SEC22C: variants seen among roughly 807,000 people sequenced by gnomAD.
SEC22C encodes the protein vesicle-trafficking protein SEC22c.
In SEC22C, 29 loss-of-function variants were observed where a neutral mutation model predicts 34.7. The ratio of observed to expected loss-of-function variants is 0.84; its 90% confidence interval spans 0.62 to 1.14. The LOEUF is 1.14. Ranked by LOEUF, SEC22C falls within the 50% of genes most tolerant of loss-of-function variation. SEC22C has a pLI of 0.00. For synonymous variants in SEC22C, 117 were observed against 132.8 expected, an observed-to-expected ratio of 0.88 and a Z score of 0.82; for missense variants, 337 against 369.0, an observed-to-expected ratio of 0.91 and a Z score of 0.71.
rs926236596 is a variant in SEC22C at position 42,550,793 on chromosome 3, G to A, written c.*2455C>T. 12 of 984,792 alleles carry A rather than the reference G, an allele frequency of 1.2e-5. No homozygotes were observed. The highest frequency in any genetic ancestry group is 1.4e-5 in the Non-Finnish European group (12 of 829,838). 61.0% of individuals were successfully genotyped at this position (984,792 alleles called of 1,614,324 possible). On this transcript the variant is annotated 3_prime_UTR_variant, in exon 7 of 7. Coordinates refer to ENST00000264454, the MANE Select transcript of SEC22C (RefSeq NM_032970.4). ...ATAGGCTCAGATGCCCAAAGCACCT[G>A]GGGTACAGGTCTACATGGCAACCCA...
Position 42,550,600 on chromosome 3 carries a change from C to A in SEC22C, c.*2648G>T, listed in dbSNP as rs1400190800. 1 of 985,154 alleles carries A rather than the reference C, an allele frequency of 1.0e-6. No individual in the cohort carries two copies. The highest frequency in any genetic ancestry group is 1.7e-5 in the African/African-American group (1 of 57,180). 61.0% of individuals were successfully genotyped at this position (985,154 alleles called of 1,614,324 possible). A position where few individuals can be genotyped will look rare whatever the true frequency, so the allele number is the denominator to read the frequency against. ...GTACTGTTTTTCTAGTGCATCTTTT[C>A]CCTTTTGTTTGCAAAAGTCAATCTC... On this transcript the variant is annotated 3_prime_UTR_variant, in exon 7 of 7. Coordinates refer to ENST00000264454, the MANE Select transcript of SEC22C (RefSeq NM_032970.4).
intron 1 of SEC22C, among the ~76,000 whole-genome samples, chr3:42,595,567 T>G (rs1435748264): frequency 1.3e-5 from 2 of 152,214 alleles, no homozygotes; most frequent in Non-Finnish European, 2.9e-5. Flanking sequence ...CCACCCAGCT[T>G]TGATGTGGTA....
chr3:42,583,549 G>A (rs116070148), upstream of SEC22C, among the ~76,000 whole-genome samples: 455 of 152,278 alleles, frequency 3.0e-3, 3 homozygotes, highest in African/African-American at 0.011. Flanking sequence ...ACTTGGTTAG[G>A]ATTTTGCGAT....
Position 42,549,806 on chromosome 3 carries a change from C to T in SEC22C, c.*3442G>A. ...CTAGAAAAGAACAGAGGAGCTCAAG[C>T]TCATTTAATCAAAATGCTTAAATGT... On this transcript the variant is annotated 3_prime_UTR_variant, in exon 7 of 7. Coordinates refer to ENST00000264454, the MANE Select transcript of SEC22C (RefSeq NM_032970.4). 1.0e-6 allele frequency: 1 copy of T among 985,492 alleles called. No homozygotes were observed. Among genetic ancestry groups the T allele is most frequent in the Non-Finnish European group, 1.2e-6 (1 of 829,968 alleles). The allele number at this position is 985,492 out of a possible 1,614,324, so 61.0% of individuals were successfully genotyped here.
At position 42,550,776 on chromosome 3, in the gene SEC22C, A is replaced by C; in HGVS notation, c.*2472T>G. The C allele has an allele frequency of 1.0e-6, 1 of 985,248 alleles. No homozygotes were observed. Among genetic ancestry groups the C allele is most frequent in the Non-Finnish European group, 1.2e-6 (1 of 829,898 alleles). The allele number at this position is 985,248 out of a possible 1,614,324, so 61.0% of individuals were successfully genotyped here. On this transcript the variant is annotated 3_prime_UTR_variant, in exon 7 of 7. Transcript: ENST00000264454. ...CCTGCTGAATATGGATCATAGGCTC[A>C]GATGCCCAAAGCACCTGGGGTACAG...
intron 5 of SEC22C, 62 bp from the exon 6 acceptor site, chr3:42,556,057 T>C: frequency 7.7e-7 from 1 of 1,301,518 alleles, no homozygotes; most frequent in Non-Finnish European, 1.1e-6. Flanking sequence ...CACTGTGACA[T>C]AAAGCACTTT....
In SEC22C at chr3:42,581,919, C is replaced by G. The variant is rs1051653067; in HGVS notation, c.-101G>C. The G allele has an allele frequency of 6.6e-6, 1 of 152,252 alleles. No individual in the cohort carries two copies. The highest frequency in any genetic ancestry group is 1.5e-5 in the Non-Finnish European group (1 of 68,096). 9.4% of individuals were successfully genotyped at this position (152,252 alleles called of 1,614,324 possible). A position where few individuals can be genotyped will look rare whatever the true frequency, so the allele number is the denominator to read the frequency against. ...CGCCTCCTCAGCAATCTTAGCCGAC[C>G]GGGAGGGCTCGGCCCAGGTCACCGG... On this transcript the variant is annotated 5_prime_UTR_variant, in exon 1 of 7. Transcript: ENST00000264454.
At chr3:42,600,249 A>C (rs1311141228) in intron 1 of SEC22C, among the ~76,000 whole-genome samples, 1 of 152,192 alleles carries the variant, frequency 6.6e-6, no homozygotes, top group Admixed American at 6.5e-5. Flanking sequence ...AAGACCTAAC[A>C]GTAGGACACG....
chr3:42,590,931 G>A, intron 1 of SEC22C: 5 of 1,590,178 alleles, frequency 3.1e-6, no homozygotes, highest in Non-Finnish European at 4.3e-6. Flanking sequence ...CTGGCTGAGG[G>A]GCAAGGCGGA....
intron 4 of SEC22C, among the ~76,000 whole-genome samples, chr3:42,557,965 T>C (rs1306901942): frequency 6.6e-6 from 1 of 152,218 alleles, no homozygotes; most frequent in African/African-American, 2.4e-5. Context: ...CTTAATTTCC[T>C]TTCTATCTAA....
Position 42,552,312 on chromosome 3 carries a change from T to A in SEC22C, c.*936A>T, listed in dbSNP as rs1702293729. 1.0e-6 allele frequency: 1 copy of A among 985,222 alleles called. No individual in the cohort carries two copies. The highest frequency in any genetic ancestry group is 1.7e-5 in the African/African-American group (1 of 57,202). 61.0% of individuals were successfully genotyped at this position (985,222 alleles called of 1,614,324 possible). A position where few individuals can be genotyped will look rare whatever the true frequency, so the allele number is the denominator to read the frequency against. ...GGAACAGGTACACAGGGTACAGTAGTCATCATCATTAAAACAACAGGCACT... is the reference window on the plus strand; with the variant it reads ...GGAACAGGTACACAGGGTACAGTAGACATCATCATTAAAACAACAGGCACT... On this transcript the variant is annotated 3_prime_UTR_variant, in exon 7 of 7. Coordinates refer to ENST00000264454, the MANE Select transcript of SEC22C (RefSeq NM_032970.4).
chr3:42,555,297 A>AGATTG (rs1702465563), intron 6 of SEC22C, among the ~76,000 whole-genome samples: 2 of 151,936 alleles, frequency 1.3e-5, no homozygotes, highest in Non-Finnish European at 2.9e-5. Flanking sequence ...CAGTGAGCCA[A>AGATTG]GATTGTGCCA....
At chr3:42,580,873 GAGA>G (rs1379077689) in intron 1 of SEC22C, among the ~76,000 whole-genome samples, 1 of 152,230 alleles carries the variant, frequency 6.6e-6, no homozygotes, top group Non-Finnish European at 1.5e-5. Context: ...GAAGGAGCCT[GAGA>G]TTACACTTGT....
At chr3:42,598,391 A>G (rs1705098934) in intron 1 of SEC22C, among the ~76,000 whole-genome samples, 1 of 150,216 alleles carries the variant, frequency 6.7e-6, no homozygotes, top group Non-Finnish European at 1.5e-5. Flanking sequence ...GCAGTGGCGC[A>G]ATCTCGGCTC....
intron 1 of SEC22C, among the ~76,000 whole-genome samples, chr3:42,571,859 C>T (rs1439128448): frequency 1.3e-5 from 2 of 152,058 alleles, no homozygotes; most frequent in Non-Finnish European, 2.9e-5. Context: ...ATGGCGAAAC[C>T]CCGTCTCTAC....
intron 1 of SEC22C, among the ~76,000 whole-genome samples, chr3:42,574,760 T>C (rs1703861971): frequency 6.6e-6 from 1 of 152,076 alleles, no homozygotes; most frequent in African/African-American, 2.4e-5. Context: ...CACAAACACA[T>C]ATACACCCCA....
At chr3:42,582,051 G>A (rs1013699000), upstream of SEC22C, 5 of 152,390 alleles carry the variant, frequency 3.3e-5, no homozygotes, top group Admixed American at 3.3e-4. Flanking sequence ...CACCCAAACC[G>A]ACCAATCCCG....
intron 1 of SEC22C, among the ~76,000 whole-genome samples, chr3:42,596,174 AC>A (rs1705023676): frequency 6.6e-6 from 1 of 151,954 alleles, no homozygotes; most frequent in South Asian, 2.1e-4. Flanking sequence ...GGCATGTGGC[AC>A]CATGCCTGGC....
rs144519614 is a variant in SEC22C at position 42,556,202 on chromosome 3, C to T, written c.646-207G>A. On this transcript the variant is annotated intron_variant, in intron 5 of 6. Coordinates refer to ENST00000264454, the MANE Select transcript of SEC22C (RefSeq NM_032970.4). ...CTTGGTCACAGCATGTGCCTCCTGT[C>T]CCCATGTGACTGTGCTAAGTCTGCA... Among the ~76,000 whole-genome samples the T allele has an allele frequency of 2.0e-3, 306 of 152,332 alleles. 1 individual carries two copies. The highest frequency in any genetic ancestry group is 7.0e-3 in the African/African-American group (291 of 41,574).
Sources: allele counts gnomAD v4.1 joint callset (sites outside exome capture counted in the v4.1 genomes callset), GRCh38; gene constraint gnomAD v4.1.1; transcripts MANE v1.5; gene names NCBI Gene and HGNC (gene_info 2026-07-23, HGNC 2026-07-21).